The following SPRY3 variants were observed in gnomAD, a reference collection of about 807,000 sequenced individuals.
SPRY3 encodes protein sprouty homolog 3.
A neutral mutation model predicts 20.2 loss-of-function variants in SPRY3; 15 were observed. The observed-to-expected ratio is 0.74, with a 90% CI of 0.50 to 1.14. SPRY3 has a LOEUF of 1.14. Ranked by LOEUF, SPRY3 falls within the 50% of genes most tolerant of loss-of-function variation. The pLI is 0.00. For synonymous variants in SPRY3, 143 were observed against 136.5 expected, an observed-to-expected ratio of 1.05 and a Z score of -0.33; for missense variants, 364 against 363.9, an observed-to-expected ratio of 1.00 and a Z score of 0.00.
At chrX:155,696,826 G>A (rs1266585095) in intron 2 of SPRY3, among the ~76,000 whole-genome samples, 1 of 111,875 alleles carries the variant, frequency 8.9e-6, no homozygotes, top group Non-Finnish European at 1.9e-5. Context: ...TTCTGGGTTG[G>A]TGATTTTGAC....
At position 155,692,164 on chromosome X, in the gene SPRY3, AATAGTAAATGGGTACAGCTTT is replaced by A. The variant is rs1442823345; in HGVS notation, c.-282+35143_-282+35163del. Among the ~76,000 whole-genome samples the A allele has an allele frequency of 5.9e-3, 653 of 110,807 alleles. 5 individuals are homozygous for A. The highest frequency in any genetic ancestry group is 0.02 in the African/African-American group (607 of 30,348). ...TAGTGGGGAGGAGGGATAAAGAGGG[AATAGTAAATGGGTACAGCTTT>A]ATATTTTACATTTAGCTCCCTGGTT... On this transcript the variant is annotated intron_variant, in intron 2 of 3. Transcript: ENST00000675360.
chrX:155,631,628 A>G (rs1331838813), intron 1 of SPRY3, among the ~76,000 whole-genome samples: 2 of 112,392 alleles, frequency 1.8e-5, no homozygotes, highest in East Asian at 2.8e-4. Flanking sequence ...TGACTTTTTA[A>G]TAATAGCCAT....
intron 2 of SPRY3, among the ~76,000 whole-genome samples, chrX:155,694,793 A>G (rs1461926501): frequency 1.8e-5 from 2 of 110,809 alleles, no homozygotes; most frequent in South Asian, 3.8e-4. Flanking sequence ...TCACGCTTCT[A>G]TGAGAATCTA....
At chrX:155,658,721 C>A (rs2067999556) in intron 2 of SPRY3, among the ~76,000 whole-genome samples, 3 of 111,714 alleles carry the variant, frequency 2.7e-5, no homozygotes, top group Admixed American at 9.5e-5. Flanking sequence ...CAGTAGTATG[C>A]TCAATAGGGA....
chrX:155,672,686 A>G (rs1557354872), intron 2 of SPRY3, among the ~76,000 whole-genome samples: 1 of 107,603 alleles, frequency 9.3e-6, no homozygotes, highest in African/African-American at 3.5e-5. Flanking sequence ...AACTAGAAAT[A>G]CCATTTGACC....
chrX:155,774,779 C>G, exon 4 of SPRY3: 1 of 1,569,744 alleles, frequency 6.4e-7, no homozygotes, highest in South Asian at 1.2e-5. Flanking sequence ...TCCTTCGAGT[C>G]CCCAACAGCA....
intron 2 of SPRY3, among the ~76,000 whole-genome samples, chrX:155,726,441 T>A (rs921008968): frequency 6.6e-6 from 1 of 152,164 alleles, no homozygotes; most frequent in Non-Finnish European, 1.5e-5. Context: ...CCATTATTAT[T>A]GTGTGGGAGT....
intron 2 of SPRY3, among the ~76,000 whole-genome samples, chrX:155,704,794 A>G (rs757919502): frequency 6.6e-6 from 1 of 151,814 alleles, no homozygotes; most frequent in East Asian, 1.9e-4. Flanking sequence ...TCAAACATAG[A>G]GAAAAAAGAT....
intron 2 of SPRY3, among the ~76,000 whole-genome samples, chrX:155,702,371 A>T (rs1255564956): frequency 8.0e-5 from 1 of 12,458 alleles, no homozygotes; most frequent in Non-Finnish European, 1.5e-4. Context: ...ATTCTCTTTG[A>T]AGCAATTGCG....
At chrX:155,652,349 C>T (rs960638154) in intron 1 of SPRY3, among the ~76,000 whole-genome samples, 1 of 111,298 alleles carries the variant, frequency 9.0e-6, no homozygotes, top group Admixed American at 9.6e-5. Flanking sequence ...TTCTTTCTAA[C>T]TATTTTTTTT....
At chrX:155,767,197 A>G (rs2091337093) in intron 2 of SPRY3, among the ~76,000 whole-genome samples, 1 of 151,948 alleles carries the variant, frequency 6.6e-6, no homozygotes, top group South Asian at 2.1e-4. Flanking sequence ...ATTAAGAGCT[A>G]CAGCTCCGGG....
At chrX:155,642,348 ATTT>A (rs1180581352) in intron 1 of SPRY3, among the ~76,000 whole-genome samples, 2 of 111,353 alleles carry the variant, frequency 1.8e-5, no homozygotes, top group Non-Finnish European at 3.8e-5. Context: ...TTTATCCCTT[ATTT>A]TATTTATTTG....
intron 1 of SPRY3, among the ~76,000 whole-genome samples, chrX:155,643,705 T>G (rs1557351617): frequency 8.9e-6 from 1 of 112,089 alleles, no homozygotes; most frequent in Non-Finnish European, 1.9e-5. Context: ...AATAACAACT[T>G]AACATTGTTT....
chrX:155,680,145 G>GGTGTGTGTGTGTGTGTGTGTGT (rs774435204), intron 2 of SPRY3, among the ~76,000 whole-genome samples: 2 of 70,406 alleles, frequency 2.8e-5, no homozygotes, highest in African/African-American at 6.2e-5. Flanking sequence ...AAGCAATGCT[G>GGTGTGTGTGTGTGTGTGTGTGT]GTGTGTGTGT....
In SPRY3 at chrX:155,679,668, G is replaced by T. The variant is rs907549062; in HGVS notation, c.-282+22643G>T. Among the ~76,000 whole-genome samples, 6 of 111,672 alleles carry T rather than the reference G, an allele frequency of 5.4e-5. No homozygotes were observed. In the Admixed American group the frequency reaches 5.7e-4, roughly 11 times the overall value. On this transcript the variant is annotated intron_variant, in intron 2 of 3. Coordinates refer to ENST00000675360, the Ensembl canonical transcript of SPRY3. ...TGAGTAAACAATAGATATGGTTTTT[G>T]TCCTCATGGAACTTTCAAATATAGT...
chrX:155,760,164 C>T (rs1184193402), intron 2 of SPRY3, among the ~76,000 whole-genome samples: 1 of 152,136 alleles, frequency 6.6e-6, no homozygotes, highest in Non-Finnish European at 1.5e-5. Flanking sequence ...AATAGTAATG[C>T]CTACCATTTG....
intron 2 of SPRY3, among the ~76,000 whole-genome samples, chrX:155,753,360 G>T (rs2091271621): frequency 6.6e-6 from 1 of 151,756 alleles, no homozygotes; most frequent in African/African-American, 2.4e-5. Context: ...GACCTTTTGT[G>T]TCTGGCTTCT....
chrX:155,759,126 T>C (rs375782125), intron 2 of SPRY3, among the ~76,000 whole-genome samples: 133 of 151,326 alleles, frequency 8.8e-4, no homozygotes, highest in African/African-American at 3.1e-3. Flanking sequence ...AGTGGCACAA[T>C]CTCACTGCAA....
chrX:155,749,449 CCT>C (rs2091247971), intron 2 of SPRY3, among the ~76,000 whole-genome samples: 1 of 151,576 alleles, frequency 6.6e-6, no homozygotes, highest in Admixed American at 6.6e-5. Flanking sequence ...GAAGAGAAGG[CCT>C]CTCTGATAAA....
Sources: allele counts gnomAD v4.1 joint callset (sites outside exome capture counted in the v4.1 genomes callset), GRCh38; gene constraint gnomAD v4.1.1; transcripts MANE v1.5; gene names NCBI Gene and HGNC (gene_info 2026-07-23, HGNC 2026-07-21).